The following RBFOX1 variants were observed in gnomAD, a reference collection of about 807,000 sequenced individuals.
The protein encoded by RBFOX1 is RNA binding protein fox-1 homolog 1.
RBFOX1 carries 8 observed loss-of-function variants against 57.7 expected under a neutral mutation model. The observed-to-expected ratio is 0.14, with a 90% confidence interval of 0.08 to 0.25. RBFOX1 has a LOEUF of 0.25. Among genes scored for constraint, RBFOX1 ranks in the 10% least tolerant of loss-of-function variants. The pLI is 1.00. For synonymous variants in RBFOX1, 326 were observed against 222.4 expected (o/e 1.47, Z -4.15); for missense variants, 611 against 548.5 (o/e 1.11, Z -1.14).
At chr16:7,600,111 T>A (rs930796263) in intron 9 of RBFOX1, among the ~76,000 whole-genome samples, 27 of 152,192 alleles carry the variant, frequency 1.8e-4, no homozygotes, top group African/African-American at 6.5e-4. Flanking sequence ...GGCATGCACA[T>A]CCCATGTCCC....
chr16:7,301,768 T>C (rs999758618), intron 4 of RBFOX1, among the ~76,000 whole-genome samples: 27 of 152,076 alleles, frequency 1.8e-4, no homozygotes, highest in Admixed American at 5.2e-4. Context: ...AGGAAAGCAG[T>C]GCGAACCCGT....
At chr16:7,492,721 ATTG>A (rs762317302) in intron 4 of RBFOX1, among the ~76,000 whole-genome samples, 6 of 152,000 alleles carry the variant, frequency 3.9e-5, no homozygotes, top group South Asian at 4.2e-4. Context: ...ATGATAGTGA[ATTG>A]TTGTGAAAGC....
intron 1 of RBFOX1, chr16:5,365,731 C>T (rs574581802): frequency 4.2e-5 from 18 of 424,120 alleles, no homozygotes; most frequent in South Asian, 2.7e-4. Flanking sequence ...CATGGCTGTT[C>T]TCTTGAGCAG....
chr16:6,036,434 A>C (rs1214813721), intron 1 of RBFOX1, among the ~76,000 whole-genome samples: 3 of 152,106 alleles, frequency 2.0e-5, no homozygotes, highest in Non-Finnish European at 4.4e-5. Flanking sequence ...GAGGGGTGGA[A>C]AAACTCCCAT....
rs1050345061 is a variant in RBFOX1 at position 5,584,956 on chromosome 16, A to G, written c.259-13946A>G. Among the ~76,000 whole-genome samples the G allele has an allele frequency of 3.3e-5, 5 of 151,704 alleles. No homozygotes were observed. In the South Asian group the frequency reaches 6.2e-4, roughly 19 times the overall value. ...ATACGGTCAAAGCACAAAGGGAGGGATAGAAGTCTGGGTCTGCTGGGAATT... is the reference window on the plus strand; with the variant it reads ...ATACGGTCAAAGCACAAAGGGAGGGGTAGAAGTCTGGGTCTGCTGGGAATT... On this transcript the variant is annotated intron_variant, in intron 2 of 2. Coordinates refer to the RBFOX1 transcript ENST00000585867.
rs116382368 is a variant in RBFOX1 at position 5,627,151 on chromosome 16, A to G, written c.318+28190A>G. Among the ~76,000 whole-genome samples, 1,050 of 152,340 alleles carry G rather than the reference A, an allele frequency of 6.9e-3. 20 individuals are homozygous for G. Among genetic ancestry groups the G allele is most frequent in the African/African-American group, 0.025 (1,020 of 41,586 alleles). On this transcript the variant is annotated intron_variant, in intron 3 of 19. Coordinates refer to the RBFOX1 transcript ENST00000641259. The stretch of plus-strand genomic sequence containing the variant: ...AATTAAGATGCTGAAAAAATCCACC[A>G]TTAGAAATTATTTGGGTAAGTTCAG...
At chr16:5,589,735 A>T (rs1255815624) in intron 2 of RBFOX1, among the ~76,000 whole-genome samples, 1 of 152,184 alleles carries the variant, frequency 6.6e-6, no homozygotes, top group Admixed American at 6.5e-5. Flanking sequence ...TAACAAGTGT[A>T]GAGTCTGAAG....
chr16:5,891,482 A>G (rs763631351), intron 4 of RBFOX1, among the ~76,000 whole-genome samples: 2 of 152,230 alleles, frequency 1.3e-5, no homozygotes, highest in Admixed American at 6.5e-5. Flanking sequence ...TTTAAAATAG[A>G]CAAACTAATT....
chr16:6,531,706 C>T (rs1043752764), intron 2 of RBFOX1, among the ~76,000 whole-genome samples: 1 of 151,888 alleles, frequency 6.6e-6, no homozygotes, highest in Non-Finnish European at 1.5e-5. Flanking sequence ...TCTCATGGAC[C>T]CAAACAGGGC....
At chr16:6,421,310 C>T (rs1001475119) in intron 2 of RBFOX1, among the ~76,000 whole-genome samples, 1 of 152,120 alleles carries the variant, frequency 6.6e-6, no homozygotes. Context: ...CCTTTGTTGG[C>T]TGTTGATTTG....
chr16:7,553,799 G>A (rs1196725476), intron 5 of RBFOX1, among the ~76,000 whole-genome samples: 2 of 152,234 alleles, frequency 1.3e-5, no homozygotes, highest in African/African-American at 4.8e-5. Context: ...CAAGGAGGCT[G>A]TTGCTGGAGC....
At chr16:6,355,606 T>C in intron 2 of RBFOX1, among the ~76,000 whole-genome samples, 1 of 152,210 alleles carries the variant, frequency 6.6e-6, no homozygotes, top group East Asian at 1.9e-4. Context: ...CATGTGCATA[T>C]GCCTTTATAG....
intron 3 of RBFOX1, among the ~76,000 whole-genome samples, chr16:6,847,902 A>G (rs2093845435): frequency 6.6e-6 from 1 of 152,048 alleles, no homozygotes; most frequent in East Asian, 1.9e-4. Context: ...TACTGGCACA[A>G]TCTTGGCTCA....
chr16:6,611,450 T>G (rs2154025064), intron 2 of RBFOX1, among the ~76,000 whole-genome samples: 1 of 152,268 alleles, frequency 6.6e-6, no homozygotes, highest in South Asian at 2.1e-4. Context: ...CCTGGCCGTC[T>G]TCATCTGCTT....
chr16:7,029,005 C>G (rs7206185), intron 3 of RBFOX1, among the ~76,000 whole-genome samples: 101,715 of 133,264 alleles, frequency 0.76, 39,119 homozygotes, highest in East Asian at 0.92. Context: ...ACTTAACTAA[C>G]GGTTTCTAGT....
intron 3 of RBFOX1, among the ~76,000 whole-genome samples, chr16:6,861,397 G>A (rs2058967956): frequency 6.6e-6 from 1 of 152,060 alleles, no homozygotes; most frequent in Non-Finnish European, 1.5e-5. Context: ...GACCAGTCAA[G>A]CAGTTCCCTA....
At chr16:7,504,749 A>ATATATATATT (rs2072447593) in intron 4 of RBFOX1, among the ~76,000 whole-genome samples, 1 of 6,244 alleles carries the variant, frequency 1.6e-4, no homozygotes, top group African/African-American at 3.4e-4. Flanking sequence ...ATATATATAT[A>ATATATATATT]TATATTTATA....
intron 3 of RBFOX1, among the ~76,000 whole-genome samples, chr16:6,908,283 G>C (rs1323051590): frequency 6.6e-6 from 1 of 151,538 alleles, no homozygotes; most frequent in Non-Finnish European, 1.5e-5. Flanking sequence ...TGCGGCTCTG[G>C]GCAGGCCTGC....
chr16:5,900,319 G>A (rs913210272), intron 4 of RBFOX1, among the ~76,000 whole-genome samples: 2 of 152,268 alleles, frequency 1.3e-5, no homozygotes, highest in African/African-American at 4.8e-5. Context: ...ATGAATGCCT[G>A]TAAATGTGAA....
Sources: gnomAD v4.1 joint callset for allele counts (sites outside exome capture counted in the v4.1 genomes callset) on GRCh38, gnomAD v4.1.1 for gene constraint, MANE v1.5 for transcripts, NCBI Gene and HGNC (gene_info 2026-07-23, HGNC 2026-07-21) for gene names.